The following RASGRP1 variants were observed in gnomAD, a reference collection of about 807,000 sequenced individuals.
The protein encoded by RASGRP1 is RAS guanyl releasing protein 1.
RASGRP1 carries 37 observed loss-of-function variants against 95.1 expected under a neutral mutation model. That is an observed-to-expected ratio of 0.39 (90% CI 0.30 to 0.51). The LOEUF (loss-of-function observed/expected upper bound fraction) is 0.51. RASGRP1 is among the 20% of genes least tolerant of loss of function. The probability of loss-of-function intolerance (pLI) is 0.80; values close to 1 mark genes in which losing one functional copy is unlikely to be tolerated. For missense variants in RASGRP1, 711 were observed against 965.4 expected (o/e 0.74, Z 3.49); for synonymous variants, 325 against 353.4 (o/e 0.92, Z 0.90).
intron 2 of RASGRP1, among the ~76,000 whole-genome samples, chr15:38,528,868 TCAA>T (rs1270104839): frequency 1.3e-5 from 2 of 152,128 alleles, no homozygotes; most frequent in African/African-American, 4.8e-5. Flanking sequence ...CAAATCCAAT[TCAA>T]CGTCTAAGTT....
intron 7 of RASGRP1, among the ~76,000 whole-genome samples, chr15:38,512,292 A>G (rs1416276066): frequency 1.3e-5 from 2 of 152,232 alleles, no homozygotes; most frequent in Non-Finnish European, 2.9e-5. Flanking sequence ...TAACTGGGAC[A>G]GAGAAGCTAG....
chr15:38,529,820 C>A (rs1783914344), intron 2 of RASGRP1, among the ~76,000 whole-genome samples: 1 of 152,210 alleles, frequency 6.6e-6, no homozygotes, highest in South Asian at 2.1e-4. Flanking sequence ...TTCGTCATTA[C>A]CTATTTCATT....
intron 2 of RASGRP1, among the ~76,000 whole-genome samples, chr15:38,556,860 A>C (rs998473549): frequency 6.6e-6 from 1 of 152,202 alleles, no homozygotes; most frequent in Non-Finnish European, 1.5e-5. Flanking sequence ...TTTCTCTTTA[A>C]AACAGTTTCT....
intron 3 of RASGRP1, among the ~76,000 whole-genome samples, chr15:38,523,201 C>A (rs1010645846): frequency 6.6e-6 from 1 of 152,154 alleles, no homozygotes; most frequent in Non-Finnish European, 1.5e-5. Context: ...CAGTCATGTG[C>A]TGCATAACAT....
intron 2 of RASGRP1, among the ~76,000 whole-genome samples, chr15:38,546,157 T>A (rs1396185247): frequency 6.6e-6 from 1 of 152,222 alleles, no homozygotes; most frequent in Non-Finnish European, 1.5e-5. Context: ...TTGCTACTGT[T>A]TTTGAGTATG....
intron 2 of RASGRP1, among the ~76,000 whole-genome samples, chr15:38,557,854 T>C (rs979776568): frequency 1.3e-5 from 2 of 152,138 alleles, no homozygotes; most frequent in African/African-American, 4.8e-5. Context: ...GTTCAACATA[T>C]TCCAGAACAC....
chr15:38,500,535 G>A (rs900806284), intron 13 of RASGRP1, among the ~76,000 whole-genome samples: 2 of 151,778 alleles, frequency 1.3e-5, no homozygotes, highest in South Asian at 4.2e-4. Flanking sequence ...TAGTAGAGAC[G>A]GGTTTTCACC....
At chr15:38,518,561 G>C in intron 4 of RASGRP1, 138 bp from the exon 5 acceptor site, 1 of 910,612 alleles carries the variant, frequency 1.1e-6, no homozygotes, top group South Asian at 1.7e-5. Flanking sequence ...GTATATTGAA[G>C]GAGCTGGGGT....
At chr15:38,546,063 T>C (rs8035957) in intron 2 of RASGRP1, among the ~76,000 whole-genome samples, 61,955 of 151,984 alleles carry the variant, frequency 0.41, 14,999 homozygotes, top group African/African-American at 0.67. Context: ...ATCTCCATGA[T>C]GTGATTTTGG....
Position 38,512,876 on chromosome 15 carries a change from G to A in RASGRP1, c.756C>T (p.Asn252=), listed in dbSNP as rs36111378. 112 of 1,613,038 alleles carry A rather than the reference G, an allele frequency of 6.9e-5. No individual in the cohort carries two copies. Among genetic ancestry groups the A allele is most frequent in the South Asian group, 1.1e-4 (10 of 90,870 alleles). The stretch of plus-strand genomic sequence containing the variant: ...TCAGTTGTACCCACTGGGAGATGCC[G>A]TTGCACAGAGCAATAGATCGCTCCA... The part of the protein sequence containing the change: ...PTMERSIALC[N]GISQWVQLMV... The change falls in exon 7 of 17, where the codon AAC becomes AAT. Residue 252 remains asparagine (N), a synonymous_variant. Coordinates refer to ENST00000310803, the MANE Select transcript of RASGRP1 (RefSeq NM_005739.4).
rs571654562 is a variant in RASGRP1 at position 38,497,017 on chromosome 15, A to G, written c.1873+1777T>C. On this transcript the variant is annotated intron_variant, in intron 15 of 16. Transcript: ENST00000310803. ...ATTAACATATGGTACATACGTGTTA[A>G]GCCCGATTTTAAGTGCTTTATATAA... Among the ~76,000 whole-genome samples, 4 of 152,338 alleles carry G rather than the reference A, an allele frequency of 2.6e-5. No homozygotes were observed. The South Asian group carries it at 8.3e-4, about 32-fold the overall frequency.
chr15:38,551,488 G>A (rs1039542424), intron 2 of RASGRP1, among the ~76,000 whole-genome samples: 5 of 152,144 alleles, frequency 3.3e-5, no homozygotes, highest in African/African-American at 1.2e-4. Context: ...TTATTGACAA[G>A]CTTGTATTGA....
At chr15:38,494,280 T>G (rs1026558504) in intron 16 of RASGRP1, 102 bp downstream of exon 16, 5 of 1,459,258 alleles carry the variant, frequency 3.4e-6, no homozygotes, top group African/African-American at 1.4e-5. Flanking sequence ...TTAGACTGCT[T>G]GTAATCAGCC....
chr15:38,536,544 C>G (rs1892654035), intron 2 of RASGRP1, among the ~76,000 whole-genome samples: 1 of 152,216 alleles, frequency 6.6e-6, no homozygotes, highest in South Asian at 2.1e-4. Flanking sequence ...ACTTACACAA[C>G]AAAATAATAT....
chr15:38,519,152 C>T (rs1213768358), intron 4 of RASGRP1, among the ~76,000 whole-genome samples, 157 bp downstream of exon 4: 2 of 152,282 alleles, frequency 1.3e-5, no homozygotes, highest in Non-Finnish European at 1.5e-5. Context: ...TAATTAAGCT[C>T]AAGTACACCA....
chr15:38,494,390 G>C lies in RASGRP1; in HGVS notation c.2251C>G (p.Leu751Val). 6.2e-7 allele frequency: 1 copy of C among 1,613,920 alleles called. No homozygotes were observed. Among genetic ancestry groups the C allele is most frequent in the Non-Finnish European group, 8.5e-7 (1 of 1,179,880 alleles). ...RHLRLPTYQE[L>V]EQEINTLKAD... ...AATGAAAAGGAAGGTACCTGTTCCA[G>C]TTCTTGGTAGGTAGGCAGTCTGAGG... is the stretch of plus-strand genomic sequence containing the variant. The change falls in exon 16 of 17, where the codon CTG becomes GTG. Residue 751 changes from leucine to valine, a missense_variant. Transcript: ENST00000310803.
chr15:38,535,645 C>G (rs1288197403), intron 2 of RASGRP1, among the ~76,000 whole-genome samples: 1 of 152,222 alleles, frequency 6.6e-6, no homozygotes, highest in Non-Finnish European at 1.5e-5. Context: ...AACCAGACAT[C>G]AACAGAAACG....
At chr15:38,527,610 G>C (rs1892271085) in intron 2 of RASGRP1, among the ~76,000 whole-genome samples, 2 of 152,072 alleles carry the variant, frequency 1.3e-5, no homozygotes, top group African/African-American at 4.8e-5. Flanking sequence ...AATTATTCAA[G>C]GCAAGAGTAT....
In RASGRP1 at chr15:38,519,812, A is replaced by T. The variant is rs115095267; in HGVS notation, c.327-441T>A. On this transcript the variant is annotated intron_variant, in intron 3 of 16. Transcript: ENST00000310803. Reference sequence around the variant, plus strand: ...TTTTACAATGTTTCTTTTAACTGATACACATGTATGCAGTGAATTCGAAGA... The same window carrying T: ...TTTTACAATGTTTCTTTTAACTGATTCACATGTATGCAGTGAATTCGAAGA... 2.3e-3 allele frequency among the ~76,000 whole-genome samples: 353 copies of T among 151,036 alleles called. 3 individuals carry two copies. The highest frequency in any genetic ancestry group is 8.3e-3 in the African/African-American group (343 of 41,392).
Sources: allele counts gnomAD v4.1 joint callset (sites outside exome capture counted in the v4.1 genomes callset), GRCh38; gene constraint gnomAD v4.1.1; transcripts MANE v1.5; gene names NCBI Gene and HGNC (gene_info 2026-07-23, HGNC 2026-07-21).